Variants in MGST1 observed in about 807,000 individuals in gnomAD.
MGST1 encodes microsomal glutathione S-transferase 1, also known as glutathione S-transferase 12.
Under a neutral mutation model 8.9 loss-of-function variants are expected in MGST1, and 5 were observed. The observed-to-expected ratio is 0.56, with a 90% CI of 0.29 to 1.19. MGST1 has a LOEUF of 1.19. MGST1 is among the 50% of genes most tolerant of loss of function. The pLI, the probability that MGST1 is intolerant of heterozygous loss-of-function variation, is 0.08. For synonymous variants in MGST1, 54 were observed against 67.8 expected (o/e 0.80, Z 1.00); for missense variants, 182 against 187.4 (o/e 0.97, Z 0.17).
At chr12:16,370,117 C>T (rs946047572) in intron 3 of MGST1, 2 of 152,164 alleles carry the variant, frequency 1.3e-5, no homozygotes, top group African/African-American at 4.8e-5. Flanking sequence ...GCAATTAAAA[C>T]AGCATTTATT....
chr12:16,492,678 A>C (rs1674302409), intron 4 of MGST1, among the ~76,000 whole-genome samples: 1 of 152,214 alleles, frequency 6.6e-6, no homozygotes, highest in Admixed American at 6.5e-5. Flanking sequence ...AGCTACTGTC[A>C]TAGCTAGACT....
intron 4 of MGST1, among the ~76,000 whole-genome samples, chr12:16,509,268 G>C (rs1238536183): frequency 6.6e-6 from 1 of 152,090 alleles, no homozygotes; most frequent in Non-Finnish European, 1.5e-5. Context: ...TCCATGGGGA[G>C]AAAAGAAGTG....
chr12:16,491,487 C>A (rs1591743914), intron 4 of MGST1, among the ~76,000 whole-genome samples: 2 of 152,124 alleles, frequency 1.3e-5, no homozygotes, highest in East Asian at 3.8e-4. Context: ...TGATTCTCAG[C>A]AAATCATTCA....
At chr12:16,387,185 C>T (rs1290614673) in intron 1 of MGST1, among the ~76,000 whole-genome samples, 1 of 151,818 alleles carries the variant, frequency 6.6e-6, no homozygotes, top group Non-Finnish European at 1.5e-5. Context: ...GCATGACATA[C>T]ATGTATAAAT....
downstream of MGST1, among the ~76,000 whole-genome samples, chr12:16,365,287 A>G (rs1384495204): frequency 6.6e-6 from 1 of 152,112 alleles, no homozygotes; most frequent in African/African-American, 2.4e-5. Context: ...TGGAATGTGT[A>G]CTTAAGTCTT....
chr12:16,393,102 C>T (rs545189804), intron 1 of MGST1, among the ~76,000 whole-genome samples: 2 of 146,266 alleles, frequency 1.4e-5, no homozygotes, highest in Non-Finnish European at 3.0e-5. Flanking sequence ...TAACTCTTTC[C>T]TGTTTTTAGT....
chr12:16,451,423 A>G (rs916350898), intron 4 of MGST1, among the ~76,000 whole-genome samples: 2 of 151,918 alleles, frequency 1.3e-5, no homozygotes, highest in East Asian at 1.9e-4. Context: ...CTTTTTATGC[A>G]TTACATATTT....
chr12:16,543,660 A>C (rs1211896260), intron 4 of MGST1, among the ~76,000 whole-genome samples: 1 of 151,964 alleles, frequency 6.6e-6, no homozygotes, highest in Non-Finnish European at 1.5e-5. Flanking sequence ...AGTAGGTATT[A>C]CCTCCATTTT....
Position 16,544,221 on chromosome 12 carries a change from TACACACAC to T in MGST1, n.483-45271_483-45264del, listed in dbSNP as rs3029719. On this transcript the variant is annotated intron_variant and non_coding_transcript_variant, in intron 4 of 4. Coordinates refer to the MGST1 transcript ENST00000538857. This position sits in a 1 kb window ranked among gnomAD's most constrained non-coding sequence, Gnocchi z 4.8. ...TTAAATTGACACCTTAAGTAAGAAC[TACACACAC>T]ACACACACACACACACACACACACA... Among the ~76,000 whole-genome samples the T allele has an allele frequency of 5.8e-4, 80 of 138,886 alleles. No individual in the cohort carries two copies. The East Asian group carries it at 6.4e-3, about 11-fold the overall frequency. The allele number at this position is 138,886 out of a possible 152,430, so 91.1% of individuals were successfully genotyped here.
chr12:16,575,048 G>A (rs1942949408), intron 4 of MGST1, among the ~76,000 whole-genome samples: 2 of 151,932 alleles, frequency 1.3e-5, no homozygotes, highest in South Asian at 2.1e-4. Flanking sequence ...AAGAAAAGGT[G>A]TTTTCGTTTG....
chr12:16,520,756 GA>G (rs1426346812), intron 4 of MGST1, among the ~76,000 whole-genome samples: 1 of 152,120 alleles, frequency 6.6e-6, no homozygotes. Flanking sequence ...ATAGCACTGT[GA>G]AAAGGTTATT....
chr12:16,566,058 G>T (rs1409696492), intron 4 of MGST1, among the ~76,000 whole-genome samples: 38 of 114,784 alleles, frequency 3.3e-4, no homozygotes, highest in African/African-American at 1.2e-3. Context: ...GTACTATTCA[G>T]CCATAAAAAA....
intron 4 of MGST1, among the ~76,000 whole-genome samples, chr12:16,465,050 T>G (rs910243786): frequency 6.6e-6 from 1 of 152,158 alleles, no homozygotes; most frequent in Non-Finnish European, 1.5e-5. Flanking sequence ...AGAAGAGAAG[T>G]GTGCATGACC....
In MGST1 at chr12:16,555,393, G is replaced by T. The variant is rs1942156823; in HGVS notation, n.483-34135G>T. On this transcript the variant is annotated intron_variant and non_coding_transcript_variant, in intron 4 of 4. Coordinates refer to the MGST1 transcript ENST00000538857. The surrounding 1 kb of genome is among the most constrained non-coding windows in gnomAD (Gnocchi z 5.5). ...GTGTTTCAAAATTTCTCATGAATGT[G>T]TAACTGGTTTGCCATTATAGTCAGC... 6.6e-6 allele frequency among the ~76,000 whole-genome samples: 1 copy of T among 152,220 alleles called. No individual in the cohort carries two copies. Among genetic ancestry groups the T allele is most frequent in the South Asian group, 2.1e-4 (1 of 4,828 alleles).
At position 16,362,372 on chromosome 12, in the gene MGST1, G is replaced by A. The variant is rs9332941; in HGVS notation, c.222-1423G>A. On this transcript the variant is annotated intron_variant, in intron 3 of 3. Coordinates refer to ENST00000396210, the MANE Select transcript of MGST1 (RefSeq NM_020300.5). This position sits in a 1 kb window ranked among gnomAD's most constrained non-coding sequence, Gnocchi z 4.4. ...GCTGGGCTGCTGCTGTCCTCTTCATGTCTCTATGTAGTCATCCTCTTTGTG... is the reference window on the plus strand; with the variant it reads ...GCTGGGCTGCTGCTGTCCTCTTCATATCTCTATGTAGTCATCCTCTTTGTG... 0.025 allele frequency among the ~76,000 whole-genome samples: 2,506 copies of A among 99,866 alleles called. 76 individuals are homozygous for A. Among genetic ancestry groups the A allele is most frequent in the African/African-American group, 0.1 (2,364 of 23,748 alleles). The allele number at this position is 99,866 out of a possible 152,430, so 65.5% of individuals were successfully genotyped here. A position where few individuals can be genotyped will look rare whatever the true frequency, so the allele number is the denominator to read the frequency against.
At chr12:16,550,861 C>G (rs1245477452) in intron 4 of MGST1, 1 of 170,874 alleles carries the variant, frequency 5.9e-6, no homozygotes, top group Non-Finnish European at 1.3e-5. Context: ...TACAAAGAAG[C>G]AAATGGAACA....
At chr12:16,371,559 C>G (rs2137023321) in intron 3 of MGST1, among the ~76,000 whole-genome samples, 2 of 152,184 alleles carry the variant, frequency 1.3e-5, no homozygotes, top group Middle Eastern at 3.4e-3. Flanking sequence ...ATGGTTTTTA[C>G]TAATGAACAT....
At chr12:16,549,764 T>C (rs1223449216) in intron 4 of MGST1, 1 of 152,086 alleles carries the variant, frequency 6.6e-6, no homozygotes, top group African/African-American at 2.4e-5. Context: ...AGAAGCAAGT[T>C]TGTGGGCAAC....
At chr12:16,381,572 AT>A (rs1940454374), downstream of MGST1, among the ~76,000 whole-genome samples, 1 of 151,738 alleles carries the variant, frequency 6.6e-6, no homozygotes, top group Non-Finnish European at 1.5e-5. Flanking sequence ...TGCTCTTAAC[AT>A]TTTTTCCTTC....
Sources: gnomAD v4.1 joint callset for allele counts (sites outside exome capture counted in the v4.1 genomes callset) on GRCh38, gnomAD v4.1.1 for gene constraint, Gnocchi (gnomAD v3.1) non-coding constraint, MANE v1.5 for transcripts, NCBI Gene and HGNC (gene_info 2026-07-23, HGNC 2026-07-21) for gene names.